Variants in CACNA1C observed in about 807,000 individuals in gnomAD.
CACNA1C encodes calcium voltage-gated channel subunit alpha1 C, also known as voltage-dependent L-type calcium channel subunit alpha-1C.
CACNA1C carries 30 observed loss-of-function variants against 229.0 expected under a neutral mutation model. The observed-to-expected ratio is 0.13, with a 90% confidence interval of 0.10 to 0.18. The LOEUF (loss-of-function observed/expected upper bound fraction) is 0.18. Ranked by LOEUF, CACNA1C falls within the 10% of genes least tolerant of loss-of-function variation. The pLI is 1.00. For missense variants in CACNA1C, 1,658 were observed against 2,845.0 expected (o/e 0.58, Z 9.49); for synonymous variants, 1,114 against 1,132.5 (o/e 0.98, Z 0.33).
rs539331046 is a variant in CACNA1C at position 2,566,216 on chromosome 12, C to T, written c.1509-206C>T. On this transcript the variant is annotated intron_variant, in intron 11 of 46. Transcript: ENST00000399655. The surrounding 1 kb of genome is among the most constrained non-coding windows in gnomAD (Gnocchi z 4.0). ...GAGGTCGGCCCTCTTCCCGGGAGAA[C>T]TGAAGCTTGGAGGAGTTCAGGGGCA... is the stretch of plus-strand genomic sequence containing the variant. Among the ~76,000 whole-genome samples, 1 of 152,326 alleles carries T rather than the reference C, an allele frequency of 6.6e-6. No homozygotes were observed. Among genetic ancestry groups the T allele is most frequent in the South Asian group, 2.1e-4 (1 of 4,822 alleles).
intron 3 of CACNA1C, among the ~76,000 whole-genome samples, chr12:2,131,431 G>A (rs2092162735): frequency 1.6e-4 from 1 of 6,314 alleles, no homozygotes; most frequent in African/African-American, 9.0e-4. Context: ...GGTTTTTATG[G>A]TTTTAGGTCT....
intron 6 of CACNA1C, among the ~76,000 whole-genome samples, chr12:2,489,580 A>G (rs1288792560): frequency 3.3e-5 from 5 of 152,168 alleles, no homozygotes; most frequent in Non-Finnish European, 7.4e-5. Context: ...CAATCACAGT[A>G]ATTACCCCTG....
At chr12:2,336,687 A>G (rs2096706896) in intron 3 of CACNA1C, among the ~76,000 whole-genome samples, 1 of 152,136 alleles carries the variant, frequency 6.6e-6, no homozygotes, top group African/African-American at 2.4e-5. Flanking sequence ...ACACCCAGGG[A>G]AGAGCTGGTG....
chr12:2,460,327 G>A (rs111326360), intron 5 of CACNA1C, among the ~76,000 whole-genome samples: 1,792 of 152,368 alleles, frequency 0.012, 44 homozygotes, highest in African/African-American at 0.039. Flanking sequence ...GGGCCAAGAA[G>A]TGTGCTGTAC....
At chr12:2,565,197 G>A (rs185354878) in intron 11 of CACNA1C, among the ~76,000 whole-genome samples, 40 of 152,228 alleles carry the variant, frequency 2.6e-4, no homozygotes, top group East Asian at 3.9e-4. Flanking sequence ...GGCCGGGCGC[G>A]GTGGCTCACG....
intron 3 of CACNA1C, among the ~76,000 whole-genome samples, chr12:2,176,073 G>A (rs1334876126): frequency 5.9e-5 from 9 of 152,180 alleles, no homozygotes; most frequent in African/African-American, 1.4e-4. Flanking sequence ...GGCTATGGAG[G>A]AAAGCAAAGC....
At chr12:2,588,773 A>C (rs537043550) in intron 18 of CACNA1C, among the ~76,000 whole-genome samples, 1 of 152,332 alleles carries the variant, frequency 6.6e-6, no homozygotes, top group African/African-American at 2.4e-5. Context: ...GATGAGTGGA[A>C]GCTAATTCTA....
intron 3 of CACNA1C, among the ~76,000 whole-genome samples, chr12:2,307,047 C>T (rs1261736648): frequency 6.6e-6 from 1 of 152,228 alleles, no homozygotes; most frequent in East Asian, 1.9e-4. Context: ...ATGGTCTCAG[C>T]TGAAGCCATG....
intron 3 of CACNA1C, among the ~76,000 whole-genome samples, chr12:2,230,178 G>C (rs2064449780): frequency 6.6e-6 from 1 of 152,168 alleles, no homozygotes; most frequent in African/African-American, 2.4e-5. Context: ...GCCGCGGGCA[G>C]GCAGTGAGGG....
intron 3 of CACNA1C, among the ~76,000 whole-genome samples, chr12:2,438,963 G>T (rs1310851002): frequency 6.6e-6 from 1 of 152,104 alleles, no homozygotes; most frequent in Non-Finnish European, 1.5e-5. Flanking sequence ...TAGCCCACAG[G>T]TCACTAAGCA....
chr12:2,536,343 G>C (rs2099855228), intron 9 of CACNA1C, among the ~76,000 whole-genome samples: 1 of 152,118 alleles, frequency 6.6e-6, no homozygotes, highest in Non-Finnish European at 1.5e-5. Flanking sequence ...GGGAGCCTGG[G>C]GCCTGTGTCC....
At chr12:2,565,365 G>T (rs1418737996) in intron 11 of CACNA1C, among the ~76,000 whole-genome samples, 2 of 151,760 alleles carry the variant, frequency 1.3e-5, no homozygotes, top group Non-Finnish European at 2.9e-5. Flanking sequence ...TACTCGGGAG[G>T]CTGAGGCAGG....
chr12:2,496,829 A>G (rs1221829016), intron 7 of CACNA1C, among the ~76,000 whole-genome samples: 1 of 152,184 alleles, frequency 6.6e-6, no homozygotes, highest in African/African-American at 2.4e-5. Flanking sequence ...TGGAAATGAA[A>G]CAAAACTCGG....
intron 3 of CACNA1C, chr12:2,217,547 T>G (rs2060290665): frequency 6.6e-6 from 1 of 152,248 alleles, no homozygotes; most frequent in Non-Finnish European, 1.5e-5. Flanking sequence ...GATATCTAGA[T>G]GTATTCTTTC....
At chr12:2,475,037 C>T (rs966311494) in intron 5 of CACNA1C, among the ~76,000 whole-genome samples, 29 of 152,064 alleles carry the variant, frequency 1.9e-4, no homozygotes, top group Non-Finnish European at 1.0e-4. Flanking sequence ...CGGTGGCTCA[C>T]GCTTGTAATC....
At chr12:2,635,051 G>T (rs1052494888) in intron 30 of CACNA1C, among the ~76,000 whole-genome samples, 2 of 152,188 alleles carry the variant, frequency 1.3e-5, no homozygotes, top group African/African-American at 2.4e-5. Flanking sequence ...CTCTTCTCTA[G>T]AGGTGGTGGG....
intron 3 of CACNA1C, among the ~76,000 whole-genome samples, chr12:2,153,879 A>G (rs1332740896): frequency 6.6e-6 from 1 of 152,220 alleles, no homozygotes; most frequent in Non-Finnish European, 1.5e-5. Flanking sequence ...ACTGTCTCAG[A>G]GAAGCTGAAT....
chr12:2,635,850 G>A (rs1370302701), intron 30 of CACNA1C, among the ~76,000 whole-genome samples: 1 of 152,096 alleles, frequency 6.6e-6, no homozygotes, highest in African/African-American at 2.4e-5. Context: ...GTGTGAGCAT[G>A]TGTGCATGTG....
At chr12:2,085,695 G>A (rs1235200665) in intron 1 of CACNA1C, among the ~76,000 whole-genome samples, 2 of 152,028 alleles carry the variant, frequency 1.3e-5, no homozygotes, top group African/African-American at 4.8e-5. Flanking sequence ...TGTACTCCTG[G>A]CCTGACTCCT....
Sources: allele counts gnomAD v4.1 joint callset (sites outside exome capture counted in the v4.1 genomes callset), GRCh38; gene constraint gnomAD v4.1.1; non-coding constraint Gnocchi (gnomAD v3.1); transcripts MANE v1.5; gene names NCBI Gene and HGNC (gene_info 2026-07-23, HGNC 2026-07-21).